The following PHF24 variants were observed in gnomAD, a reference collection of about 807,000 sequenced individuals.
The protein encoded by PHF24 is Galpha inhibitory interacting protein.
PHF24 carries 25 observed loss-of-function variants against 42.6 expected under a neutral mutation model. The observed-to-expected ratio is 0.59, with a 90% CI of 0.43 to 0.82. The LOEUF is 0.82. Ranked by LOEUF, PHF24 falls within the 40% of genes least tolerant of loss-of-function variation. PHF24 has a pLI of 0.00. For synonymous variants in PHF24, 185 were observed against 204.8 expected, an observed-to-expected ratio of 0.90 and a Z score of 0.83; for missense variants, 470 against 538.1, an observed-to-expected ratio of 0.87 and a Z score of 1.25.
the PHF24 span, among the ~76,000 whole-genome samples, chr9:34,673,749 G>A: frequency 6.6e-6 from 1 of 152,124 alleles, no homozygotes. Context: ...AGCCTCCAGA[G>A]TAGTTGGGAC....
At chr9:34,734,934 T>C in the PHF24 span, among the ~76,000 whole-genome samples, 1 of 152,024 alleles carries the variant, frequency 6.6e-6, no homozygotes, top group Non-Finnish European at 1.5e-5. Flanking sequence ...CACAAAGTAA[T>C]ATTAGAGAAA....
chr9:34,708,375 A>G, the PHF24 span, among the ~76,000 whole-genome samples: 3 of 152,194 alleles, frequency 2.0e-5, no homozygotes, highest in African/African-American at 7.2e-5. Flanking sequence ...GAGTGAGTCC[A>G]GGGGCCCAGA....
chr9:34,665,723 G>A, the PHF24 span: 1 of 699,934 alleles, frequency 1.4e-6, no homozygotes, highest in South Asian at 1.5e-5. Flanking sequence ...CTAGCCCCAG[G>A]TCCCCTTCTC....
chr9:34,736,080 T>A, the PHF24 span, among the ~76,000 whole-genome samples: 2 of 151,162 alleles, frequency 1.3e-5, no homozygotes, highest in Admixed American at 1.3e-4. Context: ...TCCTCCACAG[T>A]GGAGGAAAAA....
the PHF24 span, chr9:34,728,728 T>C: frequency 7.4e-7 from 1 of 1,358,016 alleles, no homozygotes; most frequent in Admixed American, 2.0e-5. Context: ...GAGACAAAAC[T>C]TACATACATT....
the PHF24 span, among the ~76,000 whole-genome samples, chr9:34,852,640 A>G: frequency 2.6e-5 from 4 of 152,364 alleles, no homozygotes; most frequent in Non-Finnish European, 5.9e-5. Context: ...GAAGTCTGCT[A>G]TTAGCCTTAT....
the PHF24 span, chr9:34,726,665 T>C: frequency 3.9e-6 from 6 of 1,551,726 alleles, no homozygotes; most frequent in Non-Finnish European, 5.2e-6. Context: ...TTGTATGCCA[T>C]CTGCATACGT....
the PHF24 span, among the ~76,000 whole-genome samples, chr9:34,704,536 T>C: frequency 1.3e-5 from 2 of 152,016 alleles, no homozygotes; most frequent in African/African-American, 4.8e-5. Flanking sequence ...GGTGAAATTA[T>C]TTAAAAACAT....
At chr9:34,902,909 G>A in the PHF24 span, among the ~76,000 whole-genome samples, 61 of 152,258 alleles carry the variant, frequency 4.0e-4, no homozygotes, top group Admixed American at 9.2e-4. Flanking sequence ...CATCTCTGGC[G>A]ATGAGCTAAC....
At chr9:34,786,483 T>G in the PHF24 span, among the ~76,000 whole-genome samples, 2,760 of 152,306 alleles carry the variant, frequency 0.018, 59 homozygotes, top group East Asian at 0.093. Context: ...TTTCAGAGCA[T>G]TTCAGCTGAG....
the PHF24 span, among the ~76,000 whole-genome samples, chr9:34,742,968 C>T: frequency 6.6e-5 from 10 of 152,138 alleles, no homozygotes; most frequent in African/African-American, 2.2e-4. Flanking sequence ...TGCTTTCTCA[C>T]TGCAATGGCA....
the PHF24 span, among the ~76,000 whole-genome samples, chr9:34,886,750 A>ATCTGTCTG: frequency 0.016 from 2,276 of 146,652 alleles, 17 homozygotes; most frequent in Middle Eastern, 0.024. Flanking sequence ...CTATCTATCT[A>ATCTGTCTG]TCTATCTGTC....
chr9:34,802,497 T>C, the PHF24 span, among the ~76,000 whole-genome samples: 3 of 152,230 alleles, frequency 2.0e-5, no homozygotes, highest in Admixed American at 6.5e-5. Flanking sequence ...CCACCCATTA[T>C]GTTTCTGTTA....
At chr9:34,836,521 G>A in the PHF24 span, among the ~76,000 whole-genome samples, 1 of 152,156 alleles carries the variant, frequency 6.6e-6, no homozygotes, top group Non-Finnish European at 1.5e-5. Context: ...CATTCTGGGG[G>A]CTATGAGATA....
the PHF24 span, among the ~76,000 whole-genome samples, chr9:34,942,787 G>A: frequency 6.6e-6 from 1 of 152,046 alleles, no homozygotes. Context: ...ACTCATAGGT[G>A]GGAATTGACA....
rs575495288 is a variant in PHF24, at chr9:34,971,116, A to G, written c.-4-179A>G. Reference sequence around the variant, plus strand: ...ATAAATTAAATAAATAAATAAATAAAATTTAGGAAAGAAGTAGAACCAACA... The same window carrying G: ...ATAAATTAAATAAATAAATAAATAAGATTTAGGAAAGAAGTAGAACCAACA... On this transcript the variant is annotated intron_variant, in intron 1 of 7. Coordinates refer to ENST00000242315, the Ensembl canonical transcript of PHF24. Among the ~76,000 whole-genome samples, 38 of 152,202 alleles carry G rather than the reference A, an allele frequency of 2.5e-4. 2 individuals are homozygous for G. The South Asian group carries it at 7.9e-3, about 32-fold the overall frequency.
chr9:34,875,271 A>G, the PHF24 span, among the ~76,000 whole-genome samples: 1 of 152,188 alleles, frequency 6.6e-6, no homozygotes, highest in Non-Finnish European at 1.5e-5. Flanking sequence ...AAGCTTACCT[A>G]TACTCCACAA....
the PHF24 span, among the ~76,000 whole-genome samples, chr9:34,812,780 C>T: frequency 2.0e-5 from 3 of 152,216 alleles, no homozygotes; most frequent in Non-Finnish European, 2.9e-5. Flanking sequence ...TTCAGTGACT[C>T]GTGAACACTT....
the PHF24 span, among the ~76,000 whole-genome samples, chr9:34,827,230 G>C: frequency 1.3e-5 from 2 of 152,258 alleles, no homozygotes; most frequent in East Asian, 3.9e-4. Flanking sequence ...CCTTCATTCT[G>C]GGCTTCCCTC....
Sources: gnomAD v4.1 joint callset for allele counts (sites outside exome capture counted in the v4.1 genomes callset) on GRCh38, gnomAD v4.1.1 for gene constraint, MANE v1.5 for transcripts, NCBI Gene and HGNC (gene_info 2026-07-23, HGNC 2026-07-21) for gene names.